Variants in ROBO1 observed in about 807,000 individuals in gnomAD.
ROBO1 encodes the protein roundabout homolog 1.
ROBO1 carries 149 observed loss-of-function variants against 195.9 expected under a neutral mutation model. That is an observed-to-expected ratio of 0.76 (90% confidence interval 0.67 to 0.87). The LOEUF is 0.87. Among genes scored for constraint, ROBO1 ranks in the 40% least tolerant of loss-of-function variants. ROBO1 has a pLI of 0.00. For missense variants in ROBO1, 1,933 were observed against 2,068.3 expected (o/e 0.93, Z 1.27); for synonymous variants, 816 against 733.2 (o/e 1.11, Z -1.82).
At chr3:78,773,171 C>G (rs1169543626) in intron 4 of ROBO1, among the ~76,000 whole-genome samples, 3 of 151,976 alleles carry the variant, frequency 2.0e-5, no homozygotes, top group African/African-American at 7.3e-5. Context: ...CTCACCAGAA[C>G]CATGAGTTTA....
intron 1 of ROBO1, among the ~76,000 whole-genome samples, chr3:79,684,116 G>A (rs992103724): frequency 6.6e-6 from 1 of 151,936 alleles, no homozygotes; most frequent in African/African-American, 2.4e-5. Flanking sequence ...TACATGTTAT[G>A]GTCCATTTTT....
chr3:79,421,077 T>C (rs968411885), intron 2 of ROBO1, among the ~76,000 whole-genome samples: 3 of 152,134 alleles, frequency 2.0e-5, no homozygotes, highest in Non-Finnish European at 2.9e-5. Context: ...TGCAACAACA[T>C]GGATGGATCT....
chr3:78,754,294 G>T (rs1382136237), intron 4 of ROBO1, among the ~76,000 whole-genome samples: 1 of 152,118 alleles, frequency 6.6e-6, no homozygotes, highest in Non-Finnish European at 1.5e-5. Context: ...ATTGATGAGG[G>T]TTTTAAAGTG....
chr3:79,688,070 G>T (rs553628214), intron 1 of ROBO1, among the ~76,000 whole-genome samples: 6 of 151,840 alleles, frequency 4.0e-5, no homozygotes. Flanking sequence ...TCCTTTGTAG[G>T]GACATGGATG....
intron 2 of ROBO1, among the ~76,000 whole-genome samples, chr3:79,495,377 A>C (rs1939675835): frequency 6.6e-6 from 1 of 152,184 alleles, no homozygotes; most frequent in Admixed American, 6.5e-5. Context: ...TACTTGGGGA[A>C]TATGTAATTC....
At chr3:78,980,760 T>C (rs370169959) in intron 3 of ROBO1, among the ~76,000 whole-genome samples, 1 of 152,160 alleles carries the variant, frequency 6.6e-6, no homozygotes, top group Non-Finnish European at 1.5e-5. Flanking sequence ...TGTAATTCTA[T>C]AAACCTCCTC....
rs1243049237 is a variant in ROBO1 at position 79,572,418 on chromosome 3, G to A, written c.88+17406C>T. 2.0e-5 allele frequency among the ~76,000 whole-genome samples: 3 copies of A among 151,886 alleles called. No individual in the cohort carries two copies. In the East Asian group the frequency reaches 5.8e-4, roughly 29 times the overall value. On this transcript the variant is annotated intron_variant, in intron 2 of 30. Coordinates refer to ENST00000464233, the MANE Select transcript of ROBO1 (RefSeq NM_002941.4). The stretch of plus-strand genomic sequence containing the variant: ...ATTATAGAAATGTTAAATTTTACCT[G>A]TATTATATAATTTTTAACATTGCCA...
In ROBO1 at chr3:79,555,335, G is replaced by A. The variant is rs146599098; in HGVS notation, c.88+34489C>T. Among the ~76,000 whole-genome samples, 441 of 152,174 alleles carry A rather than the reference G, an allele frequency of 2.9e-3. 2 individuals carry two copies. Among genetic ancestry groups the A allele is most frequent in the African/African-American group, 1.0e-2 (415 of 41,534 alleles). On this transcript the variant is annotated intron_variant, in intron 2 of 30. Coordinates refer to ENST00000464233, the MANE Select transcript of ROBO1 (RefSeq NM_002941.4). Reference sequence around the variant, plus strand: ...CCCTGGCCAAAGCTCTTTGAACCAGGAAAGTTACCGATTCCTGAGAATTCA... The same window carrying A: ...CCCTGGCCAAAGCTCTTTGAACCAGAAAAGTTACCGATTCCTGAGAATTCA...
intron 11 of ROBO1, among the ~76,000 whole-genome samples, chr3:78,669,063 C>T (rs762757119): frequency 2.4e-4 from 37 of 152,070 alleles, no homozygotes; most frequent in Non-Finnish European, 3.7e-4. Flanking sequence ...CTGACTTTTC[C>T]GGGTTTTAAA....
chr3:78,859,579 C>T (rs1432432961), intron 4 of ROBO1, among the ~76,000 whole-genome samples: 1 of 152,096 alleles, frequency 6.6e-6, no homozygotes, highest in East Asian at 1.9e-4. Context: ...CTAAGGGGGT[C>T]AGCCAACTGA....
intron 2 of ROBO1, among the ~76,000 whole-genome samples, chr3:79,411,533 G>C (rs2037766393): frequency 6.6e-6 from 1 of 152,090 alleles, no homozygotes; most frequent in Non-Finnish European, 1.5e-5. Flanking sequence ...AAAGTGCTAA[G>C]ATGCAAGGAA....
intron 10 of ROBO1, among the ~76,000 whole-genome samples, chr3:78,679,165 G>A (rs1441829327): frequency 6.6e-6 from 1 of 151,984 alleles, no homozygotes; most frequent in Non-Finnish European, 1.5e-5. Flanking sequence ...AGGTATTGAT[G>A]GGACGTATCT....
intron 1 of ROBO1, among the ~76,000 whole-genome samples, chr3:79,766,708 G>GCCGCAC (rs960418997): frequency 2.0e-5 from 3 of 152,118 alleles, no homozygotes; most frequent in African/African-American, 7.2e-5. Context: ...CGCGCGCGCA[G>GCCGCAC]CCGCACCCGC....
intron 1 of ROBO1, among the ~76,000 whole-genome samples, chr3:79,665,893 A>T (rs919066626): frequency 7.9e-5 from 12 of 151,906 alleles, no homozygotes; most frequent in Non-Finnish European, 1.2e-4. Flanking sequence ...TGAAGGAATC[A>T]TCACTGTTGG....
chr3:79,447,084 C>T (rs2039285591), intron 2 of ROBO1, among the ~76,000 whole-genome samples: 1 of 152,086 alleles, frequency 6.6e-6, no homozygotes, highest in Non-Finnish European at 1.5e-5. Flanking sequence ...CCGCCTTGGC[C>T]TCCCAAAGTG....
At chr3:79,572,279 C>G in intron 2 of ROBO1, among the ~76,000 whole-genome samples, 1 of 151,872 alleles carries the variant, frequency 6.6e-6, no homozygotes, top group East Asian at 1.9e-4. Flanking sequence ...TCAATGAAAA[C>G]TAATCTTATC....
chr3:79,754,622 T>C (rs148536865), intron 1 of ROBO1, among the ~76,000 whole-genome samples: 1,876 of 152,236 alleles, frequency 0.012, 31 homozygotes, highest in African/African-American at 0.042. Flanking sequence ...CATAGGCAGT[T>C]TGGAGAGACT....
chr3:78,667,780 C>T (rs1707818764), intron 14 of ROBO1, 103 bp downstream of exon 14: 1 of 1,185,942 alleles, frequency 8.4e-7, no homozygotes, highest in Admixed American at 2.6e-5. Context: ...GAACAACACA[C>T]TGTAAATGTA....
intron 2 of ROBO1, among the ~76,000 whole-genome samples, chr3:79,176,829 T>G (rs983490352): frequency 1.3e-5 from 2 of 152,198 alleles, no homozygotes; most frequent in Non-Finnish European, 2.9e-5. Flanking sequence ...GTTTTAAGAT[T>G]CACCTAAAAA....
Sources: allele counts gnomAD v4.1 joint callset (sites outside exome capture counted in the v4.1 genomes callset), GRCh38; gene constraint gnomAD v4.1.1; transcripts MANE v1.5; gene names NCBI Gene and HGNC (gene_info 2026-07-23, HGNC 2026-07-21).